The following IL15 variants were observed in gnomAD, a reference collection of about 807,000 sequenced individuals.
The protein encoded by IL15 is interleukin-15.
In IL15, 11 loss-of-function variants were observed where a neutral mutation model predicts 19.6. The ratio of observed to expected loss-of-function variants is 0.56; its 90% CI spans 0.35 to 0.93. IL15 has a LOEUF of 0.93. IL15 is among the 40% of genes least tolerant of loss of function. IL15 has a pLI of 0.01. For missense variants in IL15, 197 were observed against 186.5 expected (o/e 1.06, Z -0.33); for synonymous variants, 58 against 59.6 (o/e 0.97, Z 0.12).
At chr4:141,732,642 A>G in intron 7 of IL15, 96 bp from the exon 8 acceptor site, 9 of 1,490,942 alleles carry the variant, frequency 6.0e-6, no homozygotes, top group Non-Finnish European at 7.2e-6. Context: ...TCAAGACCTC[A>G]CCATATGGTT....
rs1000691982 is a variant in IL15 at position 141,681,303 on chromosome 4, A to G, written c.-100+24996A>G. Among the ~76,000 whole-genome samples the G allele has an allele frequency of 5.3e-5, 8 of 152,002 alleles. No individual in the cohort carries two copies. The South Asian group carries it at 6.2e-4, about 12-fold the overall frequency. ...TAATTAACCTGTGTAAAAAAAAAAA[A>G]AGAGAGAAGACTTTTTTAAAGGGTA... On this transcript the variant is annotated intron_variant, in intron 2 of 7. Transcript: ENST00000320650.
chr4:141,640,308 A>G (rs1726999516), intron 1 of IL15, among the ~76,000 whole-genome samples: 1 of 151,970 alleles, frequency 6.6e-6, no homozygotes, highest in East Asian at 1.9e-4. Flanking sequence ...GAATTTACAA[A>G]GAAAAAAAAA....
At chr4:141,660,880 T>C (rs1727763893) in intron 2 of IL15, among the ~76,000 whole-genome samples, 1 of 152,166 alleles carries the variant, frequency 6.6e-6, no homozygotes, top group Admixed American at 6.5e-5. Flanking sequence ...TTAATGGTGC[T>C]CTTATCCCAA....
At chr4:141,642,303 A>G (rs1276119301) in intron 1 of IL15, among the ~76,000 whole-genome samples, 2 of 152,184 alleles carry the variant, frequency 1.3e-5, no homozygotes, top group Non-Finnish European at 2.9e-5. Context: ...CACATCAGGC[A>G]TATCTCTGGT....
intron 1 of IL15, among the ~76,000 whole-genome samples, chr4:141,637,997 G>A (rs577057570): frequency 1.3e-5 from 2 of 152,258 alleles, no homozygotes; most frequent in East Asian, 1.9e-4. Context: ...AGGCCGAGGC[G>A]AGAGGATAGC....
chr4:141,707,667 A>G (rs1238025138), intron 2 of IL15, among the ~76,000 whole-genome samples: 2 of 152,054 alleles, frequency 1.3e-5, no homozygotes, highest in Non-Finnish European at 2.9e-5. Flanking sequence ...AATACTCATC[A>G]GTGGTGTCTG....
At chr4:141,653,984 G>A (rs1201888728) in intron 1 of IL15, among the ~76,000 whole-genome samples, 2 of 152,230 alleles carry the variant, frequency 1.3e-5, no homozygotes, top group African/African-American at 4.8e-5. Context: ...CTGCTTCGAT[G>A]TAATCCAAGT....
At chr4:141,686,466 C>T (rs1579019307) in intron 2 of IL15, among the ~76,000 whole-genome samples, 1 of 152,276 alleles carries the variant, frequency 6.6e-6, no homozygotes, top group Middle Eastern at 3.4e-3. Flanking sequence ...AGAAGTGAGA[C>T]CACATGTTCA....
At chr4:141,646,428 G>A (rs2152152993) in intron 1 of IL15, among the ~76,000 whole-genome samples, 1 of 152,106 alleles carries the variant, frequency 6.6e-6, no homozygotes. Context: ...TTCCTAGAAT[G>A]CTTTTCTCTC....
intron 2 of IL15, among the ~76,000 whole-genome samples, chr4:141,714,225 A>G (rs1729799763): frequency 6.6e-6 from 1 of 151,866 alleles, no homozygotes; most frequent in Non-Finnish European, 1.5e-5. Flanking sequence ...CATCCCCCTT[A>G]TAACTCAGCA....
chr4:141,660,837 G>A (rs1205509580), intron 2 of IL15, among the ~76,000 whole-genome samples: 6 of 151,966 alleles, frequency 3.9e-5, no homozygotes, highest in African/African-American at 7.3e-5. Context: ...CATTTCCTAG[G>A]AAGGGAACTA....
intron 2 of IL15, among the ~76,000 whole-genome samples, chr4:141,663,855 G>C (rs2152163415): frequency 6.6e-6 from 1 of 152,274 alleles, no homozygotes; most frequent in South Asian, 2.1e-4. Flanking sequence ...ATGAGGCTAG[G>C]GGAAGAATGA....
chr4:141,665,813 A>C (rs1727952056), intron 2 of IL15, among the ~76,000 whole-genome samples: 3 of 152,120 alleles, frequency 2.0e-5, no homozygotes, highest in Admixed American at 2.0e-4. Flanking sequence ...AGAGTTGTTG[A>C]TATTATGATG....
At chr4:141,703,811 T>A (rs35636124) in intron 2 of IL15, among the ~76,000 whole-genome samples, 16,598 of 152,020 alleles carry the variant, frequency 0.11, 1,534 homozygotes, top group East Asian at 0.42. Context: ...TCGATTTTTT[T>A]AATTTTTTGT....
At chr4:141,732,589 A>G in intron 7 of IL15, 149 bp from the exon 8 acceptor site, 3 of 1,007,322 alleles carry the variant, frequency 3.0e-6, no homozygotes, top group Non-Finnish European at 4.2e-6. Context: ...CTTTCCTCGT[A>G]GTTCTTCCTA....
chr4:141,676,508 C>G (rs762230484), intron 2 of IL15, among the ~76,000 whole-genome samples: 10 of 152,082 alleles, frequency 6.6e-5, no homozygotes, highest in Admixed American at 2.0e-4. Flanking sequence ...ATCAAGGGGT[C>G]ATAAGGACTT....
intron 2 of IL15, chr4:141,718,494 A>G (rs1334003792): frequency 1.3e-5 from 2 of 152,210 alleles, no homozygotes; most frequent in Non-Finnish European, 2.9e-5. Context: ...CATATGTAAC[A>G]GGAATATTAG....
chr4:141,666,194 G>A (rs957682853), intron 2 of IL15, among the ~76,000 whole-genome samples: 2 of 151,852 alleles, frequency 1.3e-5, no homozygotes, highest in East Asian at 1.9e-4. Context: ...TCCGCCTCCC[G>A]GGTTGACGCC....
At position 141,709,134 on chromosome 4, in the gene IL15, A is replaced by G. The variant is rs1729628250; in HGVS notation, c.-99-10232A>G. Among the ~76,000 whole-genome samples the G allele has an allele frequency of 2.0e-5, 3 of 151,612 alleles. No individual in the cohort carries two copies. In the South Asian group the frequency reaches 6.2e-4, roughly 31 times the overall value. On this transcript the variant is annotated intron_variant, in intron 2 of 7. Transcript: ENST00000320650. ...TGAAATTTTCAGAATTCAATATTCAATTTAATAGTTCAATACTATTAATTT... is the reference window on the plus strand; with the variant it reads ...TGAAATTTTCAGAATTCAATATTCAGTTTAATAGTTCAATACTATTAATTT...
Sources: allele counts gnomAD v4.1 joint callset (sites outside exome capture counted in the v4.1 genomes callset), GRCh38; gene constraint gnomAD v4.1.1; transcripts MANE v1.5; gene names NCBI Gene and HGNC (gene_info 2026-07-23, HGNC 2026-07-21).